NXNL2: variants seen among roughly 807,000 people sequenced by gnomAD.
NXNL2 encodes the protein nucleoredoxin like 2.
In NXNL2, 7 loss-of-function variants were observed where a neutral mutation model predicts 11.1. The ratio of observed to expected loss-of-function variants is 0.63; its 90% CI spans 0.36 to 1.18. NXNL2 has a LOEUF of 1.18. Among genes scored for constraint, NXNL2 ranks in the 50% most tolerant of loss-of-function variants. NXNL2 has a pLI of 0.02. For synonymous variants in NXNL2, 109 were observed against 101.8 expected (o/e 1.07, Z -0.42); for missense variants, 233 against 217.7 (o/e 1.07, Z -0.44).
chr9:88,546,469 G>A (rs1829848093), downstream of NXNL2, among the ~76,000 whole-genome samples: 1 of 143,030 alleles, frequency 7.0e-6, no homozygotes, highest in East Asian at 2.2e-4. Flanking sequence ...ATGCTGGAGT[G>A]CAGCGGCACC....
intron 1 of NXNL2, among the ~76,000 whole-genome samples, chr9:88,561,323 G>C (rs189873534): frequency 1.7e-3 from 257 of 152,256 alleles, no homozygotes; most frequent in Non-Finnish European, 2.2e-3. Context: ...GGCTCTCCTT[G>C]CTTCTCAGCT....
At chr9:88,538,801 C>G (rs1829686612) in intron 1 of NXNL2, among the ~76,000 whole-genome samples, 1 of 152,208 alleles carries the variant, frequency 6.6e-6, no homozygotes, top group Admixed American at 6.5e-5. Flanking sequence ...TTATTATGTG[C>G]CAAGCCTCAT....
chr9:88,537,209 C>T (rs1177043100), intron 1 of NXNL2, among the ~76,000 whole-genome samples: 1 of 152,198 alleles, frequency 6.6e-6, no homozygotes, highest in African/African-American at 2.4e-5. Context: ...TAGTCTATTG[C>T]CCCATTTTAC....
chr9:88,541,056 A>C (rs1488755372), intron 1 of NXNL2, among the ~76,000 whole-genome samples: 43 of 113,476 alleles, frequency 3.8e-4, no homozygotes, highest in Admixed American at 8.8e-4. Context: ...AGCGATCCTC[A>C]TGCCTCAGCC....
intron 1 of NXNL2, among the ~76,000 whole-genome samples, chr9:88,561,896 G>T (rs765386648): frequency 1.5e-4 from 23 of 152,136 alleles, no homozygotes; most frequent in Non-Finnish European, 4.4e-5. Context: ...TTGAGAAATT[G>T]AATTTGGCTG....
chr9:88,535,544 G>C lies in NXNL2; in HGVS notation c.110G>C (p.Arg37Pro), dbSNP rs552511442. The C allele has an allele frequency of 2.5e-6, 4 of 1,605,560 alleles. No individual in the cohort carries two copies. The East Asian group carries it at 6.7e-5, about 27-fold the overall frequency. ...KVVALYFAAA[R>P]CAPSRDFTPL... ...GTGGCACTGTACTTCGCGGCGGCCC[G>C]GTGCGCGCCGAGCCGCGACTTCACG... The change falls in exon 1 of 2, where the codon CGG becomes CCG. Residue 37 changes from arginine to proline, a missense_variant. Arg to Pro is a moderately radical substitution (Grantham distance 103, BLOSUM62 -2). Transcript: ENST00000375854.
intron 1 of NXNL2, among the ~76,000 whole-genome samples, chr9:88,555,595 A>T (rs1434630607): frequency 3.9e-5 from 6 of 152,166 alleles, no homozygotes; most frequent in Admixed American, 3.9e-4. Flanking sequence ...GCAAACTCCT[A>T]TCTCAATGAC....
intron 2 of NXNL2, among the ~76,000 whole-genome samples, chr9:88,574,789 G>A (rs1256686251): frequency 4.6e-5 from 7 of 152,134 alleles, no homozygotes; most frequent in Non-Finnish European, 5.9e-5. Flanking sequence ...ATGTTTTCCA[G>A]ACTCGAATGG....
At position 88,535,671 on chromosome 9, in the gene NXNL2, G is replaced by A. The variant is rs985919707; in HGVS notation, c.237G>A (p.Met79Ile). 2.5e-6 allele frequency: 4 copies of A among 1,606,610 alleles called. No homozygotes were observed. Among genetic ancestry groups the A allele is most frequent in the East Asian group, 2.2e-5 (1 of 44,806 alleles). Residue 79 changes from methionine to isoleucine, a missense_variant, in exon 1 of 2, where the codon ATG becomes ATA. Physicochemically the swap from Met to Ile is conservative, Grantham distance 10. Coordinates refer to ENST00000375854, the MANE Select transcript of NXNL2 (RefSeq NM_001161625.2). ...FVSADGSSQE[M>I]LDFMRELHGA... ...CAGCCGACGGCAGCTCCCAGGAGAT[G>A]CTGGACTTCATGCGCGAGCTGCATG... is the stretch of plus-strand genomic sequence containing the variant.
At chr9:88,538,022 C>T (rs753565191) in intron 1 of NXNL2, among the ~76,000 whole-genome samples, 1 of 152,048 alleles carries the variant, frequency 6.6e-6, no homozygotes, top group Non-Finnish European at 1.5e-5. Flanking sequence ...TTGGATTTTC[C>T]CCAAATGCTT....
intron 1 of NXNL2, among the ~76,000 whole-genome samples, chr9:88,559,980 A>T (rs1162954455): frequency 6.6e-6 from 1 of 151,946 alleles, no homozygotes; most frequent in East Asian, 1.9e-4. Context: ...GTTAACCTTC[A>T]TGGCCTGCCC....
rs116793422 is a variant in NXNL2, at chr9:88,573,547, C to T, written c.*17-1540C>T. On this transcript the variant is annotated intron_variant, in intron 2 of 2. Coordinates refer to the NXNL2 transcript ENST00000375855. ...CCAAAGAATTCCATAATAAAATGGACATGTTTTATATAGGATCATCACACT... is the reference window on the plus strand; with the variant it reads ...CCAAAGAATTCCATAATAAAATGGATATGTTTTATATAGGATCATCACACT... Among the ~76,000 whole-genome samples the T allele has an allele frequency of 1.4e-3, 214 of 152,254 alleles. 1 individual carries two copies. The highest frequency in any genetic ancestry group is 4.7e-3 in the African/African-American group (197 of 41,542).
intron 1 of NXNL2, among the ~76,000 whole-genome samples, chr9:88,583,099 A>G (rs4242608): frequency 0.29 from 43,607 of 152,016 alleles, 9,641 homozygotes; most frequent in East Asian, 0.89. Flanking sequence ...GGCAGCTAGG[A>G]CACCTTGATG....
downstream of NXNL2, among the ~76,000 whole-genome samples, chr9:88,576,261 G>A (rs969668967): frequency 2.6e-5 from 4 of 152,112 alleles, no homozygotes; most frequent in East Asian, 1.9e-4. Context: ...AACCCAATGC[G>A]CCTGACTCTC....
downstream of NXNL2, among the ~76,000 whole-genome samples, chr9:88,546,148 C>CGTGTGTGTGTGTGTGT (rs747134247): frequency 0.018 from 2,669 of 147,422 alleles, 80 homozygotes; most frequent in African/African-American, 0.063. Context: ...ACTGAGTGTT[C>CGTGTGTGTGTGTGTGT]GTGTGTGTGT....
chr9:88,572,844 C>G (rs180872849), intron 2 of NXNL2, among the ~76,000 whole-genome samples: 1 of 152,346 alleles, frequency 6.6e-6, no homozygotes, highest in African/African-American at 2.4e-5. Flanking sequence ...ATGGATCTAA[C>G]TCACGTGTGG....
intron 1 of NXNL2, among the ~76,000 whole-genome samples, chr9:88,558,335 G>T (rs981632695): frequency 2.0e-5 from 3 of 152,232 alleles, no homozygotes; most frequent in Admixed American, 6.5e-5. Context: ...CTGGAGGGTG[G>T]TGTTCCCGGA....
At chr9:88,562,848 G>A (rs1468785877) in intron 1 of NXNL2, among the ~76,000 whole-genome samples, 7 of 151,944 alleles carry the variant, frequency 4.6e-5, no homozygotes, top group East Asian at 1.9e-4. Flanking sequence ...CCAACACTTC[G>A]GGAGGCCAAG....
intron 1 of NXNL2, among the ~76,000 whole-genome samples, chr9:88,567,292 C>T (rs1043128388): frequency 1.3e-5 from 2 of 152,130 alleles, no homozygotes; most frequent in Non-Finnish European, 2.9e-5. Context: ...GTGCCTGCCA[C>T]CATCCCCAGC....
Sources: allele counts gnomAD v4.1 joint callset (sites outside exome capture counted in the v4.1 genomes callset), GRCh38; gene constraint gnomAD v4.1.1; transcripts MANE v1.5; gene names NCBI Gene and HGNC (gene_info 2026-07-23, HGNC 2026-07-21).